Variants in DCC observed in about 807,000 individuals in gnomAD.
The protein encoded by DCC is DCC netrin 1 receptor.
In DCC, 58 loss-of-function variants were observed where a neutral mutation model predicts 172.5. The observed-to-expected ratio is 0.34, with a 90% confidence interval of 0.27 to 0.42. The LOEUF (loss-of-function observed/expected upper bound fraction) is 0.42, where lower values mean the gene tolerates loss of function less well. Among genes scored for constraint, DCC ranks in the 10% least tolerant of loss-of-function variants. The pLI, the probability that DCC is intolerant of heterozygous loss-of-function variation, is 1.00. For synonymous variants in DCC, 709 were observed against 644.5 expected (o/e 1.10, Z -1.52); for missense variants, 1,740 against 1,791.0 (o/e 0.97, Z 0.51).
intron 3 of DCC, among the ~76,000 whole-genome samples, chr18:52,916,255 CA>C (rs2040039011): frequency 6.7e-6 from 1 of 149,816 alleles, no homozygotes; most frequent in African/African-American, 2.5e-5. Flanking sequence ...CTTGAAAGGA[CA>C]GTCAATAGAA....
At chr18:53,133,875 C>G (rs1185025314) in intron 7 of DCC, among the ~76,000 whole-genome samples, 3 of 151,996 alleles carry the variant, frequency 2.0e-5, no homozygotes, top group Admixed American at 6.6e-5. Context: ...CCAGGTCATA[C>G]AAAGAAGAAT....
chr18:52,606,375 G>C (rs919991123), intron 1 of DCC, among the ~76,000 whole-genome samples: 30 of 151,886 alleles, frequency 2.0e-4, no homozygotes, highest in Non-Finnish European at 4.1e-4. Context: ...CAATAAGAAT[G>C]ACACATTTAA....
intron 1 of DCC, among the ~76,000 whole-genome samples, chr18:52,661,028 C>G (rs900391761): frequency 1.3e-5 from 2 of 152,078 alleles, no homozygotes; most frequent in Non-Finnish European, 2.9e-5. Flanking sequence ...TAGGTTAACC[C>G]CCAAGGACAG....
chr18:53,069,928 G>GA (rs996805582), intron 7 of DCC, among the ~76,000 whole-genome samples: 2 of 151,606 alleles, frequency 1.3e-5, no homozygotes, highest in African/African-American at 4.8e-5. Flanking sequence ...GGTTGGGGGG[G>GA]GTTGTTATTG....
At position 53,086,138 on chromosome 18, in the gene DCC, C is replaced by T. The variant is rs1599114120; in HGVS notation, c.1261+19972C>T. 7.9e-5 allele frequency among the ~76,000 whole-genome samples: 2 copies of T among 25,392 alleles called. 1 individual carries two copies. Among genetic ancestry groups the T allele is most frequent in the African/African-American group, 1.1e-3 (2 of 1,828 alleles). 16.7% of individuals were successfully genotyped at this position (25,392 alleles called of 152,430 possible). A position where few individuals can be genotyped will look rare whatever the true frequency, so the allele number is the denominator to read the frequency against. ...TCCTCCTCCTCCTCCTCCTCCTCCT[C>T]CTCCTCCTCCTCCTCTTCCTCTTCT... On this transcript the variant is annotated intron_variant, in intron 7 of 28. Coordinates refer to ENST00000442544, the MANE Select transcript of DCC (RefSeq NM_005215.4).
At chr18:53,222,390 T>C (rs1355676798) in intron 12 of DCC, among the ~76,000 whole-genome samples, 3 of 131,562 alleles carry the variant, frequency 2.3e-5, no homozygotes, top group African/African-American at 3.2e-5. Flanking sequence ...TTTCTTTTTT[T>C]TTTTTTTTTT....
intron 1 of DCC, among the ~76,000 whole-genome samples, chr18:52,671,146 G>A (rs2035544904): frequency 6.6e-6 from 1 of 152,206 alleles, no homozygotes; most frequent in African/African-American, 2.4e-5. Context: ...CAAAGTTGGG[G>A]TTTCAACAAA....
At chr18:52,561,034 C>T (rs1469994555) in intron 1 of DCC, among the ~76,000 whole-genome samples, 2 of 151,996 alleles carry the variant, frequency 1.3e-5, no homozygotes. Flanking sequence ...CACTTTATAT[C>T]CAGATGTTTG....
intron 22 of DCC, among the ~76,000 whole-genome samples, chr18:53,442,037 T>C (rs971396078): frequency 1.3e-5 from 2 of 152,248 alleles, no homozygotes; most frequent in African/African-American, 4.8e-5. Flanking sequence ...TGCTTCAGCC[T>C]GTTGCTTTCA....
intron 12 of DCC, among the ~76,000 whole-genome samples, chr18:53,305,197 G>A (rs2057185836): frequency 6.6e-6 from 1 of 152,048 alleles, no homozygotes; most frequent in South Asian, 2.1e-4. Flanking sequence ...TTAGCAGTGT[G>A]AGAACAGACT....
intron 27 of DCC, among the ~76,000 whole-genome samples, chr18:53,500,465 C>T (rs1433388956): frequency 6.6e-6 from 1 of 152,026 alleles, no homozygotes; most frequent in Non-Finnish European, 1.5e-5. Flanking sequence ...ATTTGACTAA[C>T]TTTTCTGTTA....
At chr18:53,480,400 A>T (rs1218549939) in intron 25 of DCC, among the ~76,000 whole-genome samples, 1 of 152,182 alleles carries the variant, frequency 6.6e-6, no homozygotes, top group Non-Finnish European at 1.5e-5. Flanking sequence ...TAAATGACAA[A>T]ACAAGAACTT....
chr18:52,997,350 C>T (rs1196771431), intron 5 of DCC, among the ~76,000 whole-genome samples: 1 of 152,036 alleles, frequency 6.6e-6, no homozygotes, highest in Non-Finnish European at 1.5e-5. Flanking sequence ...TAGCACAAAT[C>T]TGGGTAAAAG....
At chr18:52,657,001 C>T (rs920355194) in intron 1 of DCC, among the ~76,000 whole-genome samples, 1 of 152,086 alleles carries the variant, frequency 6.6e-6, no homozygotes, top group South Asian at 2.1e-4. Context: ...ATTCTATGTC[C>T]ATCATGTTTA....
At chr18:53,320,659 T>C (rs993274119) in intron 13 of DCC, among the ~76,000 whole-genome samples, 9 of 152,184 alleles carry the variant, frequency 5.9e-5, no homozygotes, top group African/African-American at 2.2e-4. Context: ...CTCTTTGCCA[T>C]CTTGTTGATG....
chr18:52,413,034 A>G (rs893664660), intron 1 of DCC, among the ~76,000 whole-genome samples: 3 of 151,994 alleles, frequency 2.0e-5, no homozygotes, highest in Non-Finnish European at 4.4e-5. Flanking sequence ...TTTAGATTGC[A>G]TTATTTGACA....
At chr18:52,540,746 A>G (rs2032419471) in intron 1 of DCC, among the ~76,000 whole-genome samples, 3 of 151,782 alleles carry the variant, frequency 2.0e-5, no homozygotes, top group African/African-American at 7.2e-5. Context: ...AGCTGGGACT[A>G]CAGGCGCCCG....
intron 27 of DCC, among the ~76,000 whole-genome samples, chr18:53,501,133 G>C (rs2046092646): frequency 6.6e-6 from 1 of 152,166 alleles, no homozygotes; most frequent in African/African-American, 2.4e-5. Flanking sequence ...ATAGTTGACA[G>C]CTTAATTGCA....
chr18:52,954,945 C>T (rs1237840432), intron 5 of DCC, among the ~76,000 whole-genome samples: 6 of 152,218 alleles, frequency 3.9e-5, no homozygotes, highest in East Asian at 1.9e-4. Context: ...GCAGAAAGTA[C>T]GGAGTTCTCA....
Sources: gnomAD v4.1 joint callset for allele counts (sites outside exome capture counted in the v4.1 genomes callset) on GRCh38, gnomAD v4.1.1 for gene constraint, MANE v1.5 for transcripts, NCBI Gene and HGNC (gene_info 2026-07-23, HGNC 2026-07-21) for gene names.